The following PHLDB2 variants were observed in gnomAD, a reference collection of about 807,000 sequenced individuals.
The protein encoded by PHLDB2 is pleckstrin homology like domain family B member 2.
In PHLDB2, 71 loss-of-function variants were observed where a neutral mutation model predicts 123.6. That is an observed-to-expected ratio of 0.57 (90% CI 0.47 to 0.70). The LOEUF (loss-of-function observed/expected upper bound fraction) is 0.70, where lower values mean the gene tolerates loss of function less well. Among genes scored for constraint, PHLDB2 ranks in the 30% least tolerant of loss-of-function variants. PHLDB2 has a pLI of 0.00. For missense variants in PHLDB2, 1,446 were observed against 1,519.5 expected (o/e 0.95, Z 0.80); for synonymous variants, 547 against 541.6 (o/e 1.01, Z -0.14).
chr3:111,971,344 T>C (rs1222577394), intron 16 of PHLDB2, among the ~76,000 whole-genome samples: 1 of 152,106 alleles, frequency 6.6e-6, no homozygotes, highest in Non-Finnish European at 1.5e-5. Context: ...AGGTGAGTGG[T>C]TTCATGACCT....
chr3:111,966,500 C>CGT (rs538320361), intron 13 of PHLDB2, 113 bp from the exon 14 acceptor site: 11,380 of 460,200 alleles, frequency 0.025, 173 homozygotes, highest in Non-Finnish European at 0.028. Flanking sequence ...CCCTTGACCC[C>CGT]ATGTGTGTGT....
intron 13 of PHLDB2, among the ~76,000 whole-genome samples, chr3:111,965,010 G>A (rs1026363136): frequency 6.6e-6 from 1 of 152,082 alleles, no homozygotes; most frequent in East Asian, 1.9e-4. Context: ...GCCCTTATAC[G>A]TCCTGCATGC....
chr3:111,897,797 A>G (rs1465155524), intron 2 of PHLDB2, among the ~76,000 whole-genome samples: 2 of 152,202 alleles, frequency 1.3e-5, no homozygotes, highest in African/African-American at 4.8e-5. Context: ...TCAATTTACA[A>G]GTTGTCTTGG....
At chr3:111,796,246 A>G (rs1409799559) in intron 1 of PHLDB2, among the ~76,000 whole-genome samples, 1 of 152,134 alleles carries the variant, frequency 6.6e-6, no homozygotes, top group Non-Finnish European at 1.5e-5. Context: ...ACGCCTTTTC[A>G]TTTTTACTAG....
intron 7 of PHLDB2, 111 bp downstream of exon 7, chr3:111,939,741 C>A: frequency 1.8e-6 from 2 of 1,113,746 alleles, no homozygotes; most frequent in East Asian, 2.6e-5. Context: ...CGTAGTCTGC[C>A]ATGTATGTGG....
intron 1 of PHLDB2, among the ~76,000 whole-genome samples, chr3:111,754,055 T>G (rs1238678560): frequency 6.6e-6 from 1 of 152,106 alleles, no homozygotes; most frequent in Admixed American, 6.5e-5. Flanking sequence ...TACTGTAGCC[T>G]TGTAGTATAG....
Position 111,861,479 on chromosome 3 carries a change from C to G in PHLDB2, c.-15+1903C>G, listed in dbSNP as rs531977269. ...CTAATGTAGCCTTCATCTCTTGAGA[C>G]CCAGAGGTTTGCAGATCTCAGCCTG... is the stretch of plus-strand genomic sequence containing the variant. On this transcript the variant is annotated intron_variant, in intron 1 of 17. Transcript: ENST00000431670. Among the ~76,000 whole-genome samples, 6 of 152,270 alleles carry G rather than the reference C, an allele frequency of 3.9e-5. No individual in the cohort carries two copies. In the South Asian group the frequency reaches 1.2e-3, roughly 32 times the overall value.
At chr3:111,893,976 C>T (rs1445627075) in intron 2 of PHLDB2, among the ~76,000 whole-genome samples, 7 of 145,428 alleles carry the variant, frequency 4.8e-5, no homozygotes, top group South Asian at 2.2e-4. Context: ...TAGTTACATA[C>T]GTATACATGT....
intron 2 of PHLDB2, among the ~76,000 whole-genome samples, chr3:111,888,286 A>C (rs562848907): frequency 6.6e-5 from 10 of 152,260 alleles, no homozygotes; most frequent in Admixed American, 2.0e-4. Context: ...GTAAAATTAA[A>C]GACAAATCTT....
At chr3:111,878,259 G>T (rs2065748569) in intron 1 of PHLDB2, among the ~76,000 whole-genome samples, 1 of 152,080 alleles carries the variant, frequency 6.6e-6, no homozygotes. Context: ...CCTTGAAGAG[G>T]TTCTTCACAT....
At chr3:111,907,098 A>T (rs2067587267) in intron 2 of PHLDB2, among the ~76,000 whole-genome samples, 1 of 152,210 alleles carries the variant, frequency 6.6e-6, no homozygotes, top group African/African-American at 2.4e-5. Flanking sequence ...TAAAAACAAT[A>T]CTAAGGCAAT....
At chr3:111,893,649 CTT>C (rs36030335) in intron 2 of PHLDB2, among the ~76,000 whole-genome samples, 10 of 143,604 alleles carry the variant, frequency 7.0e-5, no homozygotes, top group East Asian at 2.0e-4. Flanking sequence ...AATTCTCTAC[CTT>C]TTTTTTTTTT....
intron 2 of PHLDB2, among the ~76,000 whole-genome samples, chr3:111,910,180 T>C (rs78293307): frequency 0.018 from 2,716 of 152,294 alleles, 49 homozygotes; most frequent in Non-Finnish European, 0.029. Flanking sequence ...CACACAATTT[T>C]CTTTACGTAT....
chr3:111,757,458 C>G (rs564612071), intron 1 of PHLDB2, among the ~76,000 whole-genome samples: 6 of 152,296 alleles, frequency 3.9e-5, no homozygotes, highest in Admixed American at 2.6e-4. Context: ...ATTGGTTATT[C>G]TAGTTACACA....
At chr3:111,778,497 C>T (rs2060307297) in intron 1 of PHLDB2, 1 of 152,030 alleles carries the variant, frequency 6.6e-6, no homozygotes, top group Non-Finnish European at 1.5e-5. Flanking sequence ...CCCTAGCAAA[C>T]TAACAAGATG....
intron 4 of PHLDB2, among the ~76,000 whole-genome samples, chr3:111,920,056 T>A (rs180773180): frequency 6.6e-6 from 1 of 152,338 alleles, no homozygotes; most frequent in East Asian, 1.9e-4. Context: ...AAAAGTTAAG[T>A]GATAAGATAG....
rs1346100779 is a variant in PHLDB2 at position 111,859,549 on chromosome 3, G to T, written c.-42G>T. The T allele has an allele frequency of 1.7e-4, 166 of 985,474 alleles. No individual in the cohort carries two copies. The highest frequency in any genetic ancestry group is 1.9e-4 in the Non-Finnish European group (160 of 830,032). 61.0% of individuals were successfully genotyped at this position (985,474 alleles called of 1,614,324 possible). A position where few individuals can be genotyped will look rare whatever the true frequency, so the allele number is the denominator to read the frequency against. On this transcript the variant is annotated 5_prime_UTR_variant, in exon 1 of 18. Transcript: ENST00000431670. Reference sequence around the variant, plus strand: ...AGGAGCGCGCCTGCCTTCTCTCGCCGCCGGGAACGGGCTGCACCAATGGCC... The same window carrying T: ...AGGAGCGCGCCTGCCTTCTCTCGCCTCCGGGAACGGGCTGCACCAATGGCC...
chr3:111,890,158 C>T (rs1009214491), intron 2 of PHLDB2, among the ~76,000 whole-genome samples: 6 of 152,230 alleles, frequency 3.9e-5, no homozygotes, highest in African/African-American at 1.4e-4. Flanking sequence ...TTCTACCTGT[C>T]AACTCACCAC....
Position 111,884,448 on chromosome 3 carries a change from G to A in PHLDB2, c.371G>A (p.Gly124Glu), listed in dbSNP as rs1459963480. 6.2e-7 allele frequency: 1 copy of A among 1,614,140 alleles called. No individual in the cohort carries two copies. The highest frequency in any genetic ancestry group is 8.5e-7 in the Non-Finnish European group (1 of 1,180,028). The stretch of plus-strand genomic sequence containing the variant: ...TCCTCCCTCAGTGGATATCCACTTG[G>A]AAGAGCAGACTTTGATCATTATACT... ...TTSSLSGYPL[G>E]RADFDHYTGR... The change falls in exon 2 of 18, where the codon GGA becomes GAA. Residue 124 changes from glycine to glutamate, a missense_variant. By Grantham distance (98) the Gly-to-Glu change is moderately conservative. Transcript: ENST00000431670.
Sources: allele counts gnomAD v4.1 joint callset (sites outside exome capture counted in the v4.1 genomes callset), GRCh38; gene constraint gnomAD v4.1.1; transcripts MANE v1.5; gene names NCBI Gene and HGNC (gene_info 2026-07-23, HGNC 2026-07-21).